AFAP1L2: variants seen among roughly 807,000 people sequenced by gnomAD.
The protein encoded by AFAP1L2 is actin filament associated protein 1 like 2.
A neutral mutation model predicts 99.3 loss-of-function variants in AFAP1L2; 46 were observed. The ratio of observed to expected loss-of-function variants is 0.46; its 90% CI spans 0.37 to 0.59. The LOEUF is 0.59. Ranked by LOEUF, AFAP1L2 falls within the 20% of genes least tolerant of loss-of-function variation. The pLI is 0.00. For missense variants in AFAP1L2, 959 were observed against 1,034.9 expected, an observed-to-expected ratio of 0.93 and a Z score of 1.01; for synonymous variants, 397 against 419.1, an observed-to-expected ratio of 0.95 and a Z score of 0.64.
chr10:114,395,635 AG>A (rs1244218970), intron 1 of AFAP1L2, among the ~76,000 whole-genome samples: 1 of 152,144 alleles, frequency 6.6e-6, no homozygotes, highest in East Asian at 1.9e-4. Flanking sequence ...CGGGGGGTGG[AG>A]GATGGAAGGA....
Position 114,331,838 on chromosome 10 carries a change from G to A in AFAP1L2, c.280C>T (p.Gln94Ter). ...GGCGGGAGGTCTGGAAGGCTCTTCT[G>A]AGGGGCCGAGGAGTGCTGGCTGGGC... ...GEPSQHSSAP[Q>*]KSLPDLPPPK... The change falls in exon 4 of 19, where the codon CAG becomes TAG. Residue 94 changes from glutamine to a stop codon, truncating the protein, a stop_gained. Coordinates refer to ENST00000304129, the MANE Select transcript of AFAP1L2 (RefSeq NM_001001936.3). LOFTEE classifies it high-confidence loss of function. 1.4e-6 allele frequency: 2 copies of A among 1,396,562 alleles called. No individual in the cohort carries two copies. The highest frequency in any genetic ancestry group is 1.9e-6 in the Non-Finnish European group (2 of 1,066,942). 86.5% of individuals were successfully genotyped at this position (1,396,562 alleles called of 1,614,324 possible).
chr10:114,289,931 G>A (rs983449567), downstream of AFAP1L2: 6 of 312,662 alleles, frequency 1.9e-5, no homozygotes, highest in Non-Finnish European at 3.6e-5. Context: ...GGTGGAGGTT[G>A]TGGTGAGCCA....
intron 16 of AFAP1L2, among the ~76,000 whole-genome samples, chr10:114,298,487 A>G (rs999081726): frequency 6.6e-6 from 1 of 152,146 alleles, no homozygotes; most frequent in East Asian, 1.9e-4. Context: ...ACACCTCTAC[A>G]ATTTAAATAA....
At chr10:114,320,639 C>G (rs1182652940) in intron 5 of AFAP1L2, among the ~76,000 whole-genome samples, 1 of 152,236 alleles carries the variant, frequency 6.6e-6, no homozygotes, top group Non-Finnish European at 1.5e-5. Context: ...TCAAGCTGTC[C>G]TTGGGATGAC....
intron 1 of AFAP1L2, among the ~76,000 whole-genome samples, chr10:114,384,861 T>G (rs951884428): frequency 1.3e-5 from 2 of 152,180 alleles, no homozygotes; most frequent in African/African-American, 4.8e-5. Flanking sequence ...CAGGCCTGGT[T>G]GAGAGGGGCA....
intron 1 of AFAP1L2, among the ~76,000 whole-genome samples, chr10:114,383,966 T>A (rs929392223): frequency 1.3e-5 from 2 of 152,152 alleles, no homozygotes; most frequent in African/African-American, 4.8e-5. Context: ...ACAGGAAGAA[T>A]GAAGCAGGCC....
At chr10:114,384,999 A>G (rs577124484) in intron 1 of AFAP1L2, among the ~76,000 whole-genome samples, 4 of 152,330 alleles carry the variant, frequency 2.6e-5, no homozygotes, top group Non-Finnish European at 4.4e-5. Context: ...AGACCCACAT[A>G]GGCCAGGGAC....
chr10:114,340,759 T>G, intron 1 of AFAP1L2, 28 bp from the exon 2 acceptor site: 1 of 1,614,036 alleles, frequency 6.2e-7, no homozygotes, highest in Non-Finnish European at 8.5e-7. Context: ...AAGAAACTTA[T>G]AGTGGCTGCC....
intron 1 of AFAP1L2, among the ~76,000 whole-genome samples, chr10:114,389,674 C>G (rs1243496986): frequency 2.0e-5 from 3 of 152,212 alleles, no homozygotes; most frequent in South Asian, 2.1e-4. Flanking sequence ...CAGGCTTATT[C>G]ATGCATCTCC....
chr10:114,340,637 C>T lies in AFAP1L2; in HGVS notation c.111G>A (p.Leu37=). ...TGGTGTAAAGCCGGAGGAGCTCCGC[C>T]AGGCAGCTCTTCTTCACCAGTGCTG... ...SSTALVKKSC[L]AELLRLYTKS... The change falls in exon 2 of 19, where the codon CTG becomes CTA. Residue 37 remains leucine (L), a synonymous_variant. Coordinates refer to ENST00000304129, the MANE Select transcript of AFAP1L2 (RefSeq NM_001001936.3). 6.2e-7 allele frequency: 1 copy of T among 1,614,230 alleles called. No homozygotes were observed. Among genetic ancestry groups the T allele is most frequent in the Non-Finnish European group, 8.5e-7 (1 of 1,180,044 alleles).
At chr10:114,368,766 C>CAACA (rs1175221180) in intron 1 of AFAP1L2, among the ~76,000 whole-genome samples, 6 of 106,896 alleles carry the variant, frequency 5.6e-5, no homozygotes, top group Non-Finnish European at 1.1e-4. Context: ...AGTGTCCTTA[C>CAACA]AACACACACA....
At chr10:114,289,422 G>T in the AFAP1L2 span, 1 of 1,614,216 alleles carries the variant, frequency 6.2e-7, no homozygotes, top group South Asian at 1.1e-5. Flanking sequence ...GGGATTCCCT[G>T]ATCCACGTGG....
At chr10:114,385,512 G>T (rs2056386737) in intron 1 of AFAP1L2, among the ~76,000 whole-genome samples, 1 of 152,190 alleles carries the variant, frequency 6.6e-6, no homozygotes, top group South Asian at 2.1e-4. Context: ...CAGAGAGTCA[G>T]ATAGAGCTGG....
At chr10:114,389,833 C>T (rs1221900574) in intron 1 of AFAP1L2, among the ~76,000 whole-genome samples, 2 of 152,184 alleles carry the variant, frequency 1.3e-5, no homozygotes, top group Admixed American at 6.5e-5. Context: ...AGGAAAATGA[C>T]CTTCCCATGA....
chr10:114,396,377 C>T (rs1044336888), intron 1 of AFAP1L2, among the ~76,000 whole-genome samples: 8 of 152,248 alleles, frequency 5.3e-5, no homozygotes, highest in African/African-American at 1.9e-4. Context: ...AGTGATACTT[C>T]TTCCTTCTTG....
At chr10:114,404,560 C>T, upstream of AFAP1L2, 1 of 1,389,138 alleles carries the variant, frequency 7.2e-7, no homozygotes, top group South Asian at 1.6e-5. Flanking sequence ...TGAGGTCACG[C>T]TCGCGGCCGG....
chr10:114,364,650 A>G (rs921505284), intron 1 of AFAP1L2, among the ~76,000 whole-genome samples: 1 of 152,076 alleles, frequency 6.6e-6, no homozygotes, highest in Non-Finnish European at 1.5e-5. Flanking sequence ...CCCTTTTCCA[A>G]TCACATTCCA....
intron 1 of AFAP1L2, among the ~76,000 whole-genome samples, chr10:114,403,741 C>T (rs942218841): frequency 6.6e-6 from 1 of 152,204 alleles, no homozygotes; most frequent in African/African-American, 2.4e-5. Context: ...GAGATCCTGG[C>T]CCCCGCCAAA....
the AFAP1L2 span, chr10:114,285,961 C>T: frequency 2.1e-4 from 336 of 1,603,940 alleles, no homozygotes; most frequent in Admixed American, 5.7e-4. Flanking sequence ...GCCTGGAATG[C>T]AGGGTCGACC....
Sources: gnomAD v4.1 joint callset for allele counts (sites outside exome capture counted in the v4.1 genomes callset) on GRCh38, gnomAD v4.1.1 for gene constraint, MANE v1.5 for transcripts, NCBI Gene and HGNC (gene_info 2026-07-23, HGNC 2026-07-21) for gene names.